The following NBEA variants were observed in gnomAD, a reference collection of about 807,000 sequenced individuals.
The protein encoded by NBEA is lysosomal-trafficking regulator 2.
In NBEA, 44 loss-of-function variants were observed where a neutral mutation model predicts 343.4. That is an observed-to-expected ratio of 0.13 (90% confidence interval 0.10 to 0.16). The LOEUF is 0.16. Ranked by LOEUF, NBEA falls within the 10% of genes least tolerant of loss-of-function variation. NBEA has a pLI of 1.00. For missense variants in NBEA, 2,555 were observed against 3,631.3 expected (o/e 0.70, Z 7.62); for synonymous variants, 1,175 against 1,238.7 (o/e 0.95, Z 1.08).
At chr13:35,314,320 T>C (rs188478428) in intron 36 of NBEA, among the ~76,000 whole-genome samples, 33 of 152,274 alleles carry the variant, frequency 2.2e-4, no homozygotes, top group Admixed American at 3.3e-4. Flanking sequence ...GGGGAGCCAA[T>C]TGAGGTTGCT....
rs546726508 is a variant in NBEA, at chr13:34,989,751, G to C, written c.294+46637G>C. 1.7e-3 allele frequency among the ~76,000 whole-genome samples: 262 copies of C among 150,736 alleles called. 4 individuals are homozygous for C. Among genetic ancestry groups the C allele is most frequent in the African/African-American group, 6.2e-3 (258 of 41,380 alleles). ...ACCCCCAATGTCTTAACTCATTCTAGCATTAACTCAAAAGTCGAAGTCCAA... is the reference window on the plus strand; with the variant it reads ...ACCCCCAATGTCTTAACTCATTCTACCATTAACTCAAAAGTCGAAGTCCAA... On this transcript the variant is annotated intron_variant, in intron 1 of 58. Transcript: ENST00000379939.
At chr13:35,317,790 G>T (rs1224733865) in intron 36 of NBEA, among the ~76,000 whole-genome samples, 1 of 152,080 alleles carries the variant, frequency 6.6e-6, no homozygotes, top group African/African-American at 2.4e-5. Context: ...TTGAGCAGTG[G>T]TTTATAGTTC....
At chr13:35,142,871 A>G (rs1453337162) in intron 18 of NBEA, among the ~76,000 whole-genome samples, 2 of 152,162 alleles carry the variant, frequency 1.3e-5, no homozygotes, top group African/African-American at 4.8e-5. Context: ...TTCCTTTTTT[A>G]TCACTTCCAA....
intron 39 of NBEA, among the ~76,000 whole-genome samples, chr13:35,449,186 A>G (rs2046182569): frequency 6.6e-6 from 1 of 152,256 alleles, no homozygotes; most frequent in African/African-American, 2.4e-5. Context: ...TTTATCCTCC[A>G]GTCTAAGTCT....
chr13:35,164,216 A>G, intron 23 of NBEA, 140 bp from the exon 24 acceptor site: 3 of 725,222 alleles, frequency 4.1e-6, no homozygotes, highest in Non-Finnish European at 6.3e-6. Flanking sequence ...TATCTCAATT[A>G]TAAATTGCTT....
Position 35,472,425 on chromosome 13 carries a change from C to G in NBEA, c.6474C>G (p.Ala2158=). The G allele has an allele frequency of 6.2e-7, 1 of 1,613,872 alleles. No individual in the cohort carries two copies. The highest frequency in any genetic ancestry group is 8.5e-7 in the Non-Finnish European group (1 of 1,179,878). The stretch of plus-strand genomic sequence containing the variant: ...GCCCAGTGGTTCTCAGCACCCCTGC[C>G]CAGCTCATCGCTCCCGTGGTGGTGG... The part of the protein sequence containing the change: ...LAGPVVLSTP[A]QLIAPVVVAK... Residue 2158 remains alanine, a synonymous_variant, in exon 41 of 59, where the codon GCC becomes GCG. Coordinates refer to ENST00000379939, the MANE Select transcript of NBEA (RefSeq NM_001385012.1).
At chr13:35,391,786 G>A (rs550697905) in intron 38 of NBEA, among the ~76,000 whole-genome samples, 31 of 152,226 alleles carry the variant, frequency 2.0e-4, no homozygotes, top group African/African-American at 7.2e-4. Flanking sequence ...AAATTTACAT[G>A]TATTAATTGA....
intron 45 of NBEA, among the ~76,000 whole-genome samples, chr13:35,577,108 T>G (rs1296021693): frequency 3.9e-5 from 6 of 152,212 alleles, no homozygotes; most frequent in Non-Finnish European, 8.8e-5. Context: ...GGCTTCCCTG[T>G]GTTACAGTAA....
chr13:35,113,331 T>A (rs1448251406), intron 13 of NBEA, among the ~76,000 whole-genome samples: 1 of 152,152 alleles, frequency 6.6e-6, no homozygotes, highest in Non-Finnish European at 1.5e-5. Context: ...AACATTTGAT[T>A]AAGGTATTAT....
At chr13:35,114,839 G>A (rs2066415021) in intron 13 of NBEA, among the ~76,000 whole-genome samples, 1 of 151,924 alleles carries the variant, frequency 6.6e-6, no homozygotes, top group Non-Finnish European at 1.5e-5. Flanking sequence ...AGAATGTAAG[G>A]TTCTGACTTG....
chr13:35,473,079 A>G (rs1274365203), intron 41 of NBEA, among the ~76,000 whole-genome samples: 2 of 152,226 alleles, frequency 1.3e-5, no homozygotes, highest in East Asian at 1.9e-4. Flanking sequence ...TTTTAAATAT[A>G]TATGCTAGCA....
intron 17 of NBEA, among the ~76,000 whole-genome samples, chr13:35,131,899 A>G (rs781593742): frequency 1.7e-4 from 26 of 152,210 alleles, no homozygotes; most frequent in Admixed American, 2.6e-4. Flanking sequence ...TTGGAAGTAA[A>G]GAACGTAACT....
chr13:35,504,657 C>T (rs999915540), intron 41 of NBEA, among the ~76,000 whole-genome samples: 2 of 151,744 alleles, frequency 1.3e-5, no homozygotes, highest in East Asian at 1.9e-4. Context: ...TTTTGATACA[C>T]GGTCTCACTC....
At chr13:35,611,150 A>G (rs1197273844) in intron 48 of NBEA, among the ~76,000 whole-genome samples, 1 of 152,118 alleles carries the variant, frequency 6.6e-6, no homozygotes, top group Non-Finnish European at 1.5e-5. Flanking sequence ...TCTTATAAAC[A>G]CACACCAACC....
chr13:35,584,972 C>T (rs1359759777), intron 46 of NBEA, among the ~76,000 whole-genome samples: 1 of 147,008 alleles, frequency 6.8e-6, no homozygotes, highest in Non-Finnish European at 1.5e-5. Context: ...TGCCTCCTTT[C>T]TCACAAATGA....
chr13:34,999,167 TTTG>T (rs2152522884), intron 1 of NBEA, among the ~76,000 whole-genome samples: 1 of 152,102 alleles, frequency 6.6e-6, no homozygotes, highest in East Asian at 1.9e-4. Flanking sequence ...GAATCCTTCT[TTTG>T]TTCTATTGTT....
At chr13:35,170,777 A>G (rs920656511) in intron 25 of NBEA, among the ~76,000 whole-genome samples, 18 of 151,882 alleles carry the variant, frequency 1.2e-4, no homozygotes, top group African/African-American at 4.3e-4. Flanking sequence ...ATGCATTCTA[A>G]TTTGACAGCC....
chr13:35,319,919 CT>C (rs112253170), intron 36 of NBEA, among the ~76,000 whole-genome samples: 28 of 147,836 alleles, frequency 1.9e-4, no homozygotes, highest in East Asian at 2.0e-4. Flanking sequence ...GCAACCTCTG[CT>C]TTTTTTTTTG....
chr13:35,655,107 A>G, intron 54 of NBEA, 97 bp downstream of exon 54: 1 of 1,006,612 alleles, frequency 9.9e-7, no homozygotes, highest in East Asian at 3.1e-5. Context: ...CATTTTTATC[A>G]TTTGCCAACT....
Sources: allele counts gnomAD v4.1 joint callset (sites outside exome capture counted in the v4.1 genomes callset), GRCh38; gene constraint gnomAD v4.1.1; transcripts MANE v1.5; gene names NCBI Gene and HGNC (gene_info 2026-07-23, HGNC 2026-07-21).